Variants in ENOX1 observed in about 807,000 individuals in gnomAD.
ENOX1 encodes the protein candidate growth-related and time keeping constitutive hydroquinone (NADH) oxidase.
ENOX1 carries 42 observed loss-of-function variants against 82.5 expected under a neutral mutation model. The observed-to-expected ratio is 0.51, with a 90% confidence interval of 0.40 to 0.66. ENOX1 has a LOEUF of 0.66. ENOX1 is among the 30% of genes least tolerant of loss of function. ENOX1 has a pLI of 0.00. For synonymous variants in ENOX1, 271 were observed against 282.2 expected (o/e 0.96, Z 0.40); for missense variants, 608 against 811.6 (o/e 0.75, Z 3.05).
intron 12 of ENOX1, among the ~76,000 whole-genome samples, chr13:43,292,084 G>A (rs1212414391): frequency 6.6e-6 from 1 of 152,052 alleles, no homozygotes; most frequent in Admixed American, 6.6e-5. Flanking sequence ...GAAGAAACCT[G>A]TACATAAAAG....
intron 14 of ENOX1, among the ~76,000 whole-genome samples, chr13:43,240,770 C>T (rs1014983052): frequency 3.3e-5 from 5 of 152,184 alleles, no homozygotes; most frequent in African/African-American, 9.7e-5. Context: ...AGGATGTGCA[C>T]GTTTCTGAAC....
At chr13:43,421,424 A>C (rs1297542040) in intron 3 of ENOX1, among the ~76,000 whole-genome samples, 1 of 152,192 alleles carries the variant, frequency 6.6e-6, no homozygotes, top group Admixed American at 6.5e-5. Flanking sequence ...CCCCATCACA[A>C]GTTGTAAGGA....
At chr13:43,496,798 T>C (rs916192388) in intron 2 of ENOX1, among the ~76,000 whole-genome samples, 5 of 152,176 alleles carry the variant, frequency 3.3e-5, no homozygotes, top group African/African-American at 1.2e-4. Flanking sequence ...ATTGATCTAT[T>C]TGTCTATCTT....
chr13:43,269,612 T>A, intron 12 of ENOX1, 35 bp from the exon 13 acceptor site: 1 of 1,526,118 alleles, frequency 6.6e-7, no homozygotes, highest in Non-Finnish European at 9.1e-7. Flanking sequence ...ATAAGTAGGA[T>A]TGAAGGTCAG....
intron 1 of ENOX1, among the ~76,000 whole-genome samples, chr13:43,684,761 C>A (rs1395735018): frequency 6.6e-6 from 1 of 152,124 alleles, no homozygotes; most frequent in Non-Finnish European, 1.5e-5. Context: ...CTAAACTAAG[C>A]CAATGCTTCT....
At chr13:43,231,715 CTG>C (rs1203395508) in intron 15 of ENOX1, among the ~76,000 whole-genome samples, 3 of 152,198 alleles carry the variant, frequency 2.0e-5, no homozygotes, top group Admixed American at 6.5e-5. Flanking sequence ...AGCTCCTTCT[CTG>C]TGTCTCTGAT....
chr13:43,511,270 C>A (rs923694385), intron 2 of ENOX1, among the ~76,000 whole-genome samples: 6 of 152,128 alleles, frequency 3.9e-5, no homozygotes, highest in African/African-American at 1.4e-4. Context: ...TTGGACATGA[C>A]AAGCTTCTTT....
chr13:43,363,236 A>G (rs1376849632), intron 5 of ENOX1, among the ~76,000 whole-genome samples: 1 of 152,246 alleles, frequency 6.6e-6, no homozygotes, highest in Non-Finnish European at 1.5e-5. Flanking sequence ...AAAGAAAGTA[A>G]GGCTTAAAGT....
chr13:43,519,557 G>T (rs1328735074), intron 2 of ENOX1, among the ~76,000 whole-genome samples: 1 of 152,066 alleles, frequency 6.6e-6, no homozygotes, highest in Non-Finnish European at 1.5e-5. Context: ...TAGCTCTGAG[G>T]ATGTGGTAAA....
At chr13:43,629,017 T>A (rs533367563) in intron 2 of ENOX1, among the ~76,000 whole-genome samples, 227 of 152,242 alleles carry the variant, frequency 1.5e-3, no homozygotes, top group Non-Finnish European at 2.2e-3. Context: ...GGTACATAAT[T>A]TTTGTTAGGT....
At chr13:43,647,389 C>T (rs550291363) in intron 2 of ENOX1, among the ~76,000 whole-genome samples, 52 of 152,126 alleles carry the variant, frequency 3.4e-4, no homozygotes, top group African/African-American at 1.1e-3. Context: ...CACACTGATC[C>T]CTTTCTGGTT....
chr13:43,313,530 T>C (rs1055819971), intron 11 of ENOX1, among the ~76,000 whole-genome samples: 2 of 152,184 alleles, frequency 1.3e-5, no homozygotes, highest in Non-Finnish European at 2.9e-5. Context: ...TAAATTAATA[T>C]TTATTGTAGT....
At chr13:43,539,267 G>C (rs562120579) in intron 2 of ENOX1, among the ~76,000 whole-genome samples, 3 of 152,096 alleles carry the variant, frequency 2.0e-5, no homozygotes, top group African/African-American at 7.2e-5. Flanking sequence ...TGAGATGAAT[G>C]TTGTTTAATT....
intron 1 of ENOX1, among the ~76,000 whole-genome samples, chr13:43,785,987 G>A (rs1399277819): frequency 1.3e-5 from 2 of 152,068 alleles, no homozygotes; most frequent in African/African-American, 2.4e-5. Context: ...GCCGAGTCCG[G>A]CTGCCCCAGT....
intron 2 of ENOX1, among the ~76,000 whole-genome samples, chr13:43,664,999 C>T (rs946923250): frequency 1.3e-5 from 2 of 152,200 alleles, no homozygotes; most frequent in South Asian, 2.1e-4. Context: ...AAATCTCCTG[C>T]GGGGCTGGAA....
At chr13:43,322,310 T>C (rs2047855478) in intron 11 of ENOX1, 74 bp downstream of exon 11, 1 of 1,163,896 alleles carries the variant, frequency 8.6e-7, no homozygotes. Flanking sequence ...TATAGGGCCA[T>C]TTACTTATTC....
chr13:43,400,176 G>A (rs1453081032), intron 5 of ENOX1, among the ~76,000 whole-genome samples: 1 of 152,120 alleles, frequency 6.6e-6, no homozygotes, highest in Non-Finnish European at 1.5e-5. Flanking sequence ...GGCTCTCAAA[G>A]AGTGTCCAGA....
intron 9 of ENOX1, among the ~76,000 whole-genome samples, chr13:43,332,595 A>C (rs10492570): frequency 0.2 from 30,025 of 152,206 alleles, 3,852 homozygotes; most frequent in East Asian, 0.55. Context: ...GAAATGATCA[A>C]ATTGTTCAAA....
At chr13:43,364,750 A>T (rs2050740842) in intron 5 of ENOX1, among the ~76,000 whole-genome samples, 1 of 152,198 alleles carries the variant, frequency 6.6e-6, no homozygotes, top group South Asian at 2.1e-4. Flanking sequence ...ATCTGGAGTT[A>T]CAGAGGTAAC....
Sources: gnomAD v4.1 joint callset for allele counts (sites outside exome capture counted in the v4.1 genomes callset) on GRCh38, gnomAD v4.1.1 for gene constraint, MANE v1.5 for transcripts, NCBI Gene and HGNC (gene_info 2026-07-23, HGNC 2026-07-21) for gene names.